Variants in EPB41L4B observed in about 807,000 individuals in gnomAD.
EPB41L4B encodes erythrocyte membrane protein band 4.1 like 4B.
Under a neutral mutation model 112.5 loss-of-function variants are expected in EPB41L4B, and 30 were observed. The ratio of observed to expected loss-of-function variants is 0.27; its 90% CI spans 0.20 to 0.36. The LOEUF (loss-of-function observed/expected upper bound fraction) is 0.36, where lower values mean the gene tolerates loss of function less well. Among genes scored for constraint, EPB41L4B ranks in the 10% least tolerant of loss-of-function variants. The pLI, the probability that EPB41L4B is intolerant of heterozygous loss-of-function variation, is 1.00. For missense variants in EPB41L4B, 1,024 were observed against 1,133.3 expected, an observed-to-expected ratio of 0.90 and a Z score of 1.38; for synonymous variants, 408 against 439.7, an observed-to-expected ratio of 0.93 and a Z score of 0.90.
chr9:109,214,619 G>C (rs1833299140), intron 16 of EPB41L4B, among the ~76,000 whole-genome samples: 1 of 152,188 alleles, frequency 6.6e-6, no homozygotes, highest in Non-Finnish European at 1.5e-5. Context: ...AACAAGGTGG[G>C]GAAAAGTATT....
intron 15 of EPB41L4B, among the ~76,000 whole-genome samples, chr9:109,233,070 C>T (rs911656539): frequency 4.6e-5 from 7 of 152,276 alleles, no homozygotes; most frequent in African/African-American, 1.7e-4. Flanking sequence ...GATGTTTAAA[C>T]CATTCACCAT....
At position 109,268,403 on chromosome 9, in the gene EPB41L4B, T is replaced by C. The variant is rs1166768088; in HGVS notation, c.442A>G (p.Lys148Glu). ...TCTGCTTACTTACTTTTCATCTGCT[T>C]TTTTATGGGTTTGGCATGATCCAGC... ...HWLDHAKPIK[K>E]QMKIGPAYAL... The change falls in exon 3 of 26, where the codon AAG becomes GAG. Residue 148 changes from lysine (K) to glutamate (E), a missense_variant. Transcript: ENST00000374566. 1.2e-6 allele frequency: 2 copies of C among 1,610,458 alleles called. No individual in the cohort carries two copies. Among genetic ancestry groups the C allele is most frequent in the Non-Finnish European group, 1.7e-6 (2 of 1,179,308 alleles).
intron 5 of EPB41L4B, among the ~76,000 whole-genome samples, chr9:109,264,376 GAC>G (rs547825039): frequency 4.6e-4 from 70 of 152,252 alleles, no homozygotes; most frequent in African/African-American, 1.6e-3. Context: ...GCTGAAAAAT[GAC>G]ACAGTTATAA....
At chr9:109,198,933 A>G (rs959201775) in intron 20 of EPB41L4B, among the ~76,000 whole-genome samples, 6 of 151,962 alleles carry the variant, frequency 3.9e-5, no homozygotes, top group Non-Finnish European at 5.9e-5. Flanking sequence ...CTCAAAAAAA[A>G]AAAAAAAAAG....
chr9:109,268,274 G>A (rs1311687626), intron 3 of EPB41L4B, 117 bp downstream of exon 3: 11 of 917,420 alleles, frequency 1.2e-5, no homozygotes, highest in Middle Eastern at 2.3e-4. Flanking sequence ...ACTTAATACC[G>A]AATTGATTTT....
At position 109,174,347 on chromosome 9, in the gene EPB41L4B, T is replaced by C; in HGVS notation, c.*207A>G. On this transcript the variant is annotated 3_prime_UTR_variant, in exon 26 of 26. Coordinates refer to ENST00000374566, the MANE Select transcript of EPB41L4B (RefSeq NM_019114.5). ...CTTATCAAATCCTGTCTCAACTACA[T>C]AGAGTAATAGAAAAACTCTAATGCT... 1 of 539,380 alleles carries C rather than the reference T, an allele frequency of 1.9e-6. No homozygotes were observed. The highest frequency in any genetic ancestry group is 3.3e-6 in the Non-Finnish European group (1 of 299,136). The allele number at this position is 539,380 out of a possible 1,614,324, so 33.4% of individuals were successfully genotyped here.
In EPB41L4B at chr9:109,244,589, C is replaced by G. The variant is rs113263860; in HGVS notation, c.1345-907G>C. On this transcript the variant is annotated intron_variant, in intron 14 of 25. Transcript: ENST00000374566. Reference sequence around the variant, plus strand: ...GGGTAGCTGGGATTACAGGCACGTGCCACCACACCCCGCTAATTTTGAAGG... The same window carrying G: ...GGGTAGCTGGGATTACAGGCACGTGGCACCACACCCCGCTAATTTTGAAGG... Among the ~76,000 whole-genome samples, 796 of 151,684 alleles carry G rather than the reference C, an allele frequency of 5.2e-3. 4 individuals are homozygous for G. Among genetic ancestry groups the G allele is most frequent in the African/African-American group, 0.019 (776 of 41,348 alleles).
chr9:109,173,820 G>A lies in EPB41L4B; in HGVS notation c.*734C>T, dbSNP rs980819233. On this transcript the variant is annotated 3_prime_UTR_variant, in exon 26 of 26. Transcript: ENST00000374566. Reference sequence around the variant, plus strand: ...AGATTCTATCAATACGACATGAATCGATCAACTTTAGAAATAATTTTCTGA... The same window carrying A: ...AGATTCTATCAATACGACATGAATCAATCAACTTTAGAAATAATTTTCTGA... 1.3e-5 allele frequency: 2 copies of A among 152,488 alleles called. No individual in the cohort carries two copies. The highest frequency in any genetic ancestry group is 2.9e-5 in the Non-Finnish European group (2 of 68,026). 9.4% of individuals were successfully genotyped at this position (152,488 alleles called of 1,614,324 possible). A position where few individuals can be genotyped will look rare whatever the true frequency, so the allele number is the denominator to read the frequency against.
chr9:109,309,761 G>C (rs1330641691), intron 1 of EPB41L4B, among the ~76,000 whole-genome samples: 47 of 144,700 alleles, frequency 3.2e-4, no homozygotes, highest in Middle Eastern at 3.6e-3. Context: ...CACACAGAGA[G>C]AGAGAGAGAG....
rs190038765 is a variant in EPB41L4B at position 109,275,776 on chromosome 9, G to T, written c.411+4041C>A. 5.6e-3 allele frequency among the ~76,000 whole-genome samples: 851 copies of T among 152,274 alleles called. 7 individuals carry two copies. Among genetic ancestry groups the T allele is most frequent in the African/African-American group, 0.019 (782 of 41,536 alleles). ...TCAAGAGTAGGGTGTACTAGAAAGA[G>T]CACATAGACCTGAAATTGCAAAATT... is the stretch of plus-strand genomic sequence containing the variant. On this transcript the variant is annotated intron_variant, in intron 2 of 25. Coordinates refer to ENST00000374566, the MANE Select transcript of EPB41L4B (RefSeq NM_019114.5).
intron 3 of EPB41L4B, among the ~76,000 whole-genome samples, 200 bp downstream of exon 3, chr9:109,268,191 A>G (rs1427701745): frequency 6.6e-6 from 1 of 152,214 alleles, no homozygotes; most frequent in Non-Finnish European, 1.5e-5. Context: ...TGGTTTTTCA[A>G]TATCCACTAA....
intron 1 of EPB41L4B, among the ~76,000 whole-genome samples, chr9:109,304,603 G>A (rs1837097744): frequency 6.6e-6 from 1 of 152,160 alleles, no homozygotes. Context: ...TAGGCACTGT[G>A]TGTTCTCTCC....
At chr9:109,233,344 G>A (rs1032016868) in intron 15 of EPB41L4B, among the ~76,000 whole-genome samples, 1 of 152,086 alleles carries the variant, frequency 6.6e-6, no homozygotes, top group Non-Finnish European at 1.5e-5. Context: ...GGAAATTCAT[G>A]ATGTCTGGGT....
At chr9:109,265,551 A>AACACACAC (rs10631824) in intron 4 of EPB41L4B, among the ~76,000 whole-genome samples, 4 of 150,072 alleles carry the variant, frequency 2.7e-5, no homozygotes, top group African/African-American at 9.7e-5. Flanking sequence ...ACAGCACACA[A>AACACACAC]ACACACACAC....
chr9:109,216,068 C>G (rs1300800352), intron 16 of EPB41L4B, among the ~76,000 whole-genome samples: 2 of 152,186 alleles, frequency 1.3e-5, no homozygotes, highest in Non-Finnish European at 2.9e-5. Context: ...CTTTGCTCTC[C>G]CAAGTGGAAT....
chr9:109,253,264 G>A (rs1375603913), intron 12 of EPB41L4B, among the ~76,000 whole-genome samples, 177 bp downstream of exon 12: 1 of 152,196 alleles, frequency 6.6e-6, no homozygotes, highest in African/African-American at 2.4e-5. Context: ...TAATGACAGA[G>A]GGATGGCGGA....
intron 5 of EPB41L4B, among the ~76,000 whole-genome samples, chr9:109,263,919 T>G (rs965045883): frequency 1.3e-5 from 2 of 152,216 alleles, no homozygotes; most frequent in South Asian, 4.1e-4. Flanking sequence ...CTAAACTGCA[T>G]GTAAACTACA....
intron 6 of EPB41L4B, among the ~76,000 whole-genome samples, chr9:109,261,228 T>C (rs1209287712): frequency 6.6e-6 from 1 of 152,036 alleles, no homozygotes; most frequent in Non-Finnish European, 1.5e-5. Context: ...CTGAGCACTG[T>C]ATTTGGCACA....
intron 15 of EPB41L4B, among the ~76,000 whole-genome samples, chr9:109,219,849 G>A (rs1833514008): frequency 6.6e-6 from 1 of 152,080 alleles, no homozygotes. Flanking sequence ...CCTACTGTGT[G>A]TAATGGGTAA....
Sources: allele counts gnomAD v4.1 joint callset (sites outside exome capture counted in the v4.1 genomes callset), GRCh38; gene constraint gnomAD v4.1.1; transcripts MANE v1.5; gene names NCBI Gene and HGNC (gene_info 2026-07-23, HGNC 2026-07-21).